Variants in RNF114 observed in about 807,000 individuals in gnomAD.
RNF114 encodes E3 ubiquitin-protein ligase RNF114.
Under a neutral mutation model 28.4 loss-of-function variants are expected in RNF114, and 6 were observed. The observed-to-expected ratio is 0.21, with a 90% confidence interval of 0.12 to 0.42. RNF114 has a LOEUF of 0.42. RNF114 is among the 10% of genes least tolerant of loss of function. RNF114 has a pLI of 1.00. For synonymous variants in RNF114, 115 were observed against 116.7 expected (o/e 0.99, Z 0.09); for missense variants, 249 against 311.7 (o/e 0.80, Z 1.51).
At chr20:49,945,920 C>T (rs2090328986) in intron 3 of RNF114, among the ~76,000 whole-genome samples, 1 of 152,202 alleles carries the variant, frequency 6.6e-6, no homozygotes, top group Non-Finnish European at 1.5e-5. Context: ...CCTGCTTTGG[C>T]CTCCCAAAGT....
intron 4 of RNF114, among the ~76,000 whole-genome samples, chr20:49,948,578 C>T (rs2090344241): frequency 6.6e-6 from 1 of 152,086 alleles, no homozygotes; most frequent in East Asian, 1.9e-4. Flanking sequence ...GCTGGGACTA[C>T]AGGCGTGTGC....
In RNF114 at chr20:49,952,577, G is replaced by A. The variant is rs1299196937; in HGVS notation, c.*436G>A. ...CCTTTCCTTGTCCCCAAGGTGTGCA[G>A]ACTTTGGCAGCCGTGCACCTGACCA... On this transcript the variant is annotated 3_prime_UTR_variant, in exon 6 of 6. Coordinates refer to ENST00000244061, the MANE Select transcript of RNF114 (RefSeq NM_018683.4). 3.9e-6 allele frequency: 1 copy of A among 256,392 alleles called. No individual in the cohort carries two copies. Among genetic ancestry groups the A allele is most frequent in the Non-Finnish European group, 7.4e-6 (1 of 134,604 alleles). The allele number at this position is 256,392 out of a possible 1,614,324, so 15.9% of individuals were successfully genotyped here.
rs1024316990 is a variant in RNF114 at position 49,952,534 on chromosome 20, A to G, written c.*393A>G. ...GGACCTTTTCTGGGTCATGAATAGCACAATGAAGCAAGTGTCTCCTTTCCT... is the reference window on the plus strand; with the variant it reads ...GGACCTTTTCTGGGTCATGAATAGCGCAATGAAGCAAGTGTCTCCTTTCCT... On this transcript the variant is annotated 3_prime_UTR_variant, in exon 6 of 6. Transcript: ENST00000244061. 3 of 358,348 alleles carry G rather than the reference A, an allele frequency of 8.4e-6. No homozygotes were observed. Among genetic ancestry groups the G allele is most frequent in the African/African-American group, 6.1e-5 (3 of 48,832 alleles). 22.2% of individuals were successfully genotyped at this position (358,348 alleles called of 1,614,324 possible).
chr20:49,941,906 TTGGTTAAG>T, intron 2 of RNF114, 195 bp downstream of exon 2: 1 of 533,118 alleles, frequency 1.9e-6, no homozygotes, highest in Non-Finnish European at 3.2e-6. Context: ...TTTTTAAGAG[TTGGTTAAG>T]TATATATTTT....
intron 1 of RNF114, among the ~76,000 whole-genome samples, chr20:49,940,566 C>T (rs537782467): frequency 6.6e-6 from 1 of 152,226 alleles, no homozygotes; most frequent in East Asian, 1.9e-4. Context: ...AGGCACCCGC[C>T]ACCACTCCCA....
chr20:49,947,769 G>GTTT lies in RNF114; in HGVS notation c.514-1441_514-1439dup, dbSNP rs71190519. 6.3e-4 allele frequency among the ~76,000 whole-genome samples: 32 copies of GTTT among 50,476 alleles called. 1 individual carries two copies. Among genetic ancestry groups the GTTT allele is most frequent in the African/African-American group, 7.6e-4 (9 of 11,898 alleles). 33.1% of individuals were successfully genotyped at this position (50,476 alleles called of 152,430 possible). A position where few individuals can be genotyped will look rare whatever the true frequency, so the allele number is the denominator to read the frequency against. ...GTTCTGTCTTCCTCTCCCTCTGCAA[G>GTTT]TTTTTTTTTTTTTTTTTTTTTTTTT... On this transcript the variant is annotated intron_variant, in intron 4 of 5. Coordinates refer to ENST00000244061, the MANE Select transcript of RNF114 (RefSeq NM_018683.4).
intron 1 of RNF114, among the ~76,000 whole-genome samples, chr20:49,937,478 C>G (rs543516436): frequency 1.1e-4 from 17 of 152,152 alleles, no homozygotes; most frequent in Non-Finnish European, 2.1e-4. Context: ...CACCCTGCAG[C>G]GGGGGAGGGT....
At chr20:49,937,722 G>A (rs2090293215) in intron 1 of RNF114, among the ~76,000 whole-genome samples, 1 of 151,804 alleles carries the variant, frequency 6.6e-6, no homozygotes, top group African/African-American at 2.4e-5. Flanking sequence ...CAGGCTTCAA[G>A]TCCCAGGTTA....
At chr20:49,948,583 G>A (rs961326472) in intron 4 of RNF114, among the ~76,000 whole-genome samples, 20 of 152,164 alleles carry the variant, frequency 1.3e-4, no homozygotes, top group African/African-American at 4.6e-4. Context: ...GACTACAGGC[G>A]TGTGCCACCA....
In RNF114 at chr20:49,947,815, G is replaced by A. The variant is rs190403800; in HGVS notation, c.514-1433G>A. Among the ~76,000 whole-genome samples, 714 of 72,792 alleles carry A rather than the reference G, an allele frequency of 9.8e-3. 9 individuals carry two copies. The highest frequency in any genetic ancestry group is 0.021 in the South Asian group (47 of 2,256). The allele number at this position is 72,792 out of a possible 152,430, so 47.8% of individuals were successfully genotyped here. On this transcript the variant is annotated intron_variant, in intron 4 of 5. Transcript: ENST00000244061. ...TTTTTTTTTTTTTTTTTTTTGAGGCGGAGTTTCGCTCTGTCGCCCAGGCTG... is the reference window on the plus strand; with the variant it reads ...TTTTTTTTTTTTTTTTTTTTGAGGCAGAGTTTCGCTCTGTCGCCCAGGCTG...
chr20:49,948,817 C>T (rs1227424845), intron 4 of RNF114, among the ~76,000 whole-genome samples: 1 of 152,190 alleles, frequency 6.6e-6, no homozygotes, highest in Admixed American at 6.5e-5. Flanking sequence ...TGTGTGAGGG[C>T]TTTTCAGCCT....
intron 2 of RNF114, chr20:49,944,191 C>G (rs1281180173): frequency 6.6e-6 from 1 of 152,138 alleles, no homozygotes; most frequent in East Asian, 1.9e-4. Context: ...ACCTCAGCCT[C>G]TCAAGTAGCT....
intron 2 of RNF114, among the ~76,000 whole-genome samples, chr20:49,943,560 A>G (rs1037006209): frequency 2.0e-5 from 3 of 151,742 alleles, no homozygotes; most frequent in Non-Finnish European, 2.9e-5. Flanking sequence ...CATCATGGTA[A>G]GCTGGAGCTC....
rs750284830 is a variant in RNF114 at position 49,952,056 on chromosome 20, A to T, written c.622-20A>T. On this transcript the variant is annotated intron_variant, in intron 5 of 5. Transcript: ENST00000244061. ...ATCTAGAAACAGTTGCTGAGGCTGC[A>T]TGTCTCTTTTTGCCCTTAGGATTAT... 7 of 1,602,778 alleles carry T rather than the reference A, an allele frequency of 4.4e-6. No individual in the cohort carries two copies. Among genetic ancestry groups the T allele is most frequent in the South Asian group, 3.3e-5 (3 of 90,858 alleles).
At chr20:49,945,154 T>C in intron 2 of RNF114, 1 of 442,960 alleles carries the variant, frequency 2.3e-6, no homozygotes, top group Non-Finnish European at 4.2e-6. Context: ...AGAGTTATTT[T>C]AGAGTGGAAG....
Position 49,952,455 on chromosome 20 carries a change from T to TTA in RNF114, c.*314_*315insTA, listed in dbSNP as rs1568922502. On this transcript the variant is annotated 3_prime_UTR_variant, in exon 6 of 6. Transcript: ENST00000244061. ...TAATCTAGCTTCTCCACCTCTTGTT[T>TTA]CACACTCATTCCTCCCATCCAGTGT... 5.8e-6 allele frequency: 3 copies of TTA among 516,772 alleles called. No homozygotes were observed. Among genetic ancestry groups the TTA allele is most frequent in the Non-Finnish European group, 1.0e-5 (3 of 290,128 alleles). The allele number at this position is 516,772 out of a possible 1,614,324, so 32.0% of individuals were successfully genotyped here.
chr20:49,936,720 T>C (rs2090288408), intron 1 of RNF114, among the ~76,000 whole-genome samples, 168 bp downstream of exon 1: 1 of 151,626 alleles, frequency 6.6e-6, no homozygotes, highest in South Asian at 2.1e-4. Flanking sequence ...GGCGCTCTTC[T>C]GTCCCGCCCC....
At chr20:49,943,768 C>G (rs2090316864) in intron 2 of RNF114, among the ~76,000 whole-genome samples, 1 of 142,540 alleles carries the variant, frequency 7.0e-6, no homozygotes, top group Admixed American at 7.4e-5. Flanking sequence ...ACGCCATTCT[C>G]CTGCCTCAGC....
At chr20:49,940,771 C>A (rs959607878) in intron 1 of RNF114, among the ~76,000 whole-genome samples, 12 of 150,922 alleles carry the variant, frequency 8.0e-5, no homozygotes, top group African/African-American at 2.0e-4. Context: ...CCCCTCCACC[C>A]CCCCCTTGAG....
Sources: gnomAD v4.1 joint callset for allele counts (sites outside exome capture counted in the v4.1 genomes callset) on GRCh38, gnomAD v4.1.1 for gene constraint, MANE v1.5 for transcripts, NCBI Gene and HGNC (gene_info 2026-07-23, HGNC 2026-07-21) for gene names.